VWF: variants seen among roughly 807,000 people sequenced by gnomAD.
VWF encodes the protein Factor VIII related antigen.
Under a neutral mutation model 308.6 loss-of-function variants are expected in VWF, and 176 were observed. That is an observed-to-expected ratio of 0.57 (90% CI 0.50 to 0.65). VWF has a LOEUF of 0.65. Among genes scored for constraint, VWF ranks in the 30% least tolerant of loss-of-function variants. The probability of loss-of-function intolerance (pLI) is 0.00; values close to 1 mark genes in which losing one functional copy is unlikely to be tolerated. For missense variants in VWF, 3,146 were observed against 3,648.2 expected, an observed-to-expected ratio of 0.86 and a Z score of 3.55; for synonymous variants, 1,385 against 1,443.4, an observed-to-expected ratio of 0.96 and a Z score of 0.92.
chr12:6,110,804 A>G, intron 4 of VWF, 62 bp downstream of exon 4: 1 of 1,540,802 alleles, frequency 6.5e-7, no homozygotes, highest in Non-Finnish European at 9.0e-7. Context: ...CTCATCTAAA[A>G]ATGAGGGGGT....
At chr12:6,093,086 C>A (rs1443145559) in intron 6 of VWF, among the ~76,000 whole-genome samples, 1 of 152,144 alleles carries the variant, frequency 6.6e-6, no homozygotes. Flanking sequence ...GCTCTCCTCT[C>A]TAAGTTTATG....
At chr12:6,073,842 G>C in intron 7 of VWF, 101 bp from the exon 8 acceptor site, 1 of 1,554,662 alleles carries the variant, frequency 6.4e-7, no homozygotes. Flanking sequence ...CACTCTGACT[G>C]CTCCCCTCTG....
At chr12:6,076,290 A>G (rs1944843987) in intron 6 of VWF, among the ~76,000 whole-genome samples, 1 of 152,048 alleles carries the variant, frequency 6.6e-6, no homozygotes, top group Non-Finnish European at 1.5e-5. Context: ...AGTATCAACG[A>G]CCCTACGTTT....
intron 34 of VWF, among the ~76,000 whole-genome samples, chr12:6,010,997 G>A (rs200273726): frequency 1.3e-5 from 2 of 152,152 alleles, no homozygotes; most frequent in East Asian, 3.9e-4. Flanking sequence ...TTCTAAAGGG[G>A]GAATGAGCTA....
intron 34 of VWF, among the ~76,000 whole-genome samples, chr12:6,006,445 A>C (rs1943927854): frequency 6.6e-6 from 1 of 152,196 alleles, no homozygotes. Context: ...TAAACTCTCC[A>C]ATCAAAAGCT....
chr12:6,029,378 G>A lies in VWF; in HGVS notation c.2931C>T (p.His977=). The A allele has an allele frequency of 4.3e-6, 7 of 1,614,166 alleles. No homozygotes were observed. The highest frequency in any genetic ancestry group is 5.9e-6 in the Non-Finnish European group (7 of 1,180,042). ...GCTTCAGGACCACGGAGATGCTCAG[G>A]TGGCGGTCCCAGACCACGGAGAGGG... The part of the protein sequence containing the change: ...GKALSVVWDR[H]LSISVVLKQT... The change falls in exon 22 of 52, where the codon CAC becomes CAT. Residue 977 remains histidine (H), a synonymous_variant. Coordinates refer to ENST00000261405, the MANE Select transcript of VWF (RefSeq NM_000552.5).
Position 6,020,823 on chromosome 12 carries a change from C to T in VWF, c.3674+1077G>A, listed in dbSNP as rs912422605. Among the ~76,000 whole-genome samples the T allele has an allele frequency of 2.5e-4, 38 of 152,388 alleles. No individual in the cohort carries two copies. Among genetic ancestry groups the T allele is most frequent in the African/African-American group, 9.1e-4 (38 of 41,592 alleles). ...CTGCTGTGGGACTTCTGTCCACACA[C>T]TGCTTGCAGCTTCAGCGTGCACCGT... On this transcript the variant is annotated intron_variant, in intron 27 of 51. Coordinates refer to ENST00000261405, the MANE Select transcript of VWF (RefSeq NM_000552.5). The surrounding 1 kb of genome is among the most constrained non-coding windows in gnomAD (Gnocchi z 4.3).
intron 45 of VWF, 104 bp downstream of exon 45, chr12:5,969,107 T>C (rs1443380598): frequency 7.4e-7 from 1 of 1,353,314 alleles, no homozygotes; most frequent in African/African-American, 1.4e-5. Flanking sequence ...GTCCTATCCA[T>C]TTCCCTAAGT....
At chr12:6,108,728 G>C (rs1380660069) in intron 5 of VWF, among the ~76,000 whole-genome samples, 2 of 151,912 alleles carry the variant, frequency 1.3e-5, no homozygotes, top group South Asian at 4.2e-4. Context: ...ACACCTGTAA[G>C]CCCAGCACTT....
rs182770414 is a variant in VWF at position 5,958,075 on chromosome 12, T to C, written c.7888-4481A>G. 2.4e-3 allele frequency among the ~76,000 whole-genome samples: 364 copies of C among 150,094 alleles called. 1 individual carries two copies. Among genetic ancestry groups the C allele is most frequent in the African/African-American group, 8.4e-3 (341 of 40,794 alleles). On this transcript the variant is annotated intron_variant, in intron 47 of 51. Transcript: ENST00000261405. Reference sequence around the variant, plus strand: ...AAAATAGTAATATGAAGAAATACAGTGAAAAGGCCAATAAAGAGATATAGT... The same window carrying C: ...AAAATAGTAATATGAAGAAATACAGCGAAAAGGCCAATAAAGAGATATAGT...
At chr12:5,993,430 T>C (rs773526926) in intron 37 of VWF, among the ~76,000 whole-genome samples, 1 of 152,154 alleles carries the variant, frequency 6.6e-6, no homozygotes, top group Non-Finnish European at 1.5e-5. Flanking sequence ...AGGCATGGAC[T>C]ACACTGTAAG....
At chr12:5,998,516 T>TATATATATATATA (rs1943837474) in intron 34 of VWF, among the ~76,000 whole-genome samples, 3 of 111,350 alleles carry the variant, frequency 2.7e-5, no homozygotes, top group African/African-American at 1.1e-4. Flanking sequence ...TATATATATA[T>TATATATATATATA]ATATATATAT....
intron 47 of VWF, among the ~76,000 whole-genome samples, chr12:5,963,666 G>T (rs1203570519): frequency 6.6e-6 from 1 of 152,166 alleles, no homozygotes; most frequent in Non-Finnish European, 1.5e-5. Flanking sequence ...CTAGGAACTT[G>T]TTTTCCTGTT....
chr12:5,980,341 C>A (rs1430327842), intron 42 of VWF, among the ~76,000 whole-genome samples: 3 of 151,626 alleles, frequency 2.0e-5, no homozygotes, highest in Admixed American at 1.3e-4. Flanking sequence ...ATTCTTGCCT[C>A]CCTACTGCAT....
At chr12:6,092,588 C>A (rs1000889820) in intron 6 of VWF, among the ~76,000 whole-genome samples, 2 of 114,586 alleles carry the variant, frequency 1.7e-5, no homozygotes, top group East Asian at 2.2e-4. Flanking sequence ...GTGCATGCCA[C>A]CATGCCCAGC....
At chr12:5,949,446 T>C (rs1457926175) in intron 51 of VWF, among the ~76,000 whole-genome samples, 4 of 152,218 alleles carry the variant, frequency 2.6e-5, no homozygotes, top group Non-Finnish European at 5.9e-5. Flanking sequence ...TGCATGTTAA[T>C]GCATAAAATG....
chr12:6,096,986 TC>T (rs139100071), intron 5 of VWF, among the ~76,000 whole-genome samples: 2,944 of 151,760 alleles, frequency 0.019, 96 homozygotes, highest in African/African-American at 0.068. Flanking sequence ...CAGAAAAAGA[TC>T]CCCCCCACAC....
At chr12:6,123,109 A>C in intron 2 of VWF, 33 bp downstream of exon 2, 2 of 1,613,890 alleles carry the variant, frequency 1.2e-6, no homozygotes, top group Non-Finnish European at 1.7e-6. Context: ...GCCCTGGGGC[A>C]GGAATGAGAA....
intron 14 of VWF, among the ~76,000 whole-genome samples, chr12:6,057,311 A>ATT (rs1250165048): frequency 1.5e-5 from 2 of 129,424 alleles, no homozygotes; most frequent in Non-Finnish European, 3.2e-5. Flanking sequence ...GGACTATGGA[A>ATT]TTTTTTTTTT....
Sources: allele counts gnomAD v4.1 joint callset (sites outside exome capture counted in the v4.1 genomes callset), GRCh38; gene constraint gnomAD v4.1.1; non-coding constraint Gnocchi (gnomAD v3.1); transcripts MANE v1.5; gene names NCBI Gene and HGNC (gene_info 2026-07-23, HGNC 2026-07-21).